Variants in GRM5 observed in about 807,000 individuals in gnomAD.
GRM5 encodes the protein glutamate metabotropic receptor 5.
A neutral mutation model predicts 83.1 loss-of-function variants in GRM5; 19 were observed. The ratio of observed to expected loss-of-function variants is 0.23; its 90% CI spans 0.16 to 0.34. The LOEUF is 0.34. GRM5 is among the 10% of genes least tolerant of loss of function. GRM5 has a pLI of 1.00. For missense variants in GRM5, 1,160 were observed against 1,588.3 expected (o/e 0.73, Z 4.58); for synonymous variants, 675 against 633.6 (o/e 1.07, Z -0.98).
At chr11:88,922,314 C>G (rs1945707154) in intron 2 of GRM5, among the ~76,000 whole-genome samples, 1 of 152,132 alleles carries the variant, frequency 6.6e-6, no homozygotes, top group Admixed American at 6.6e-5. Flanking sequence ...GGAGGAATGA[C>G]ATTACCTCCA....
intron 4 of GRM5, 82 bp downstream of exon 4, chr11:88,653,086 C>G: frequency 1.2e-6 from 1 of 824,940 alleles, no homozygotes; most frequent in East Asian, 2.5e-5. Context: ...TAACATATTA[C>G]AGCCACTATC....
chr11:88,751,871 T>C (rs11523431), intron 3 of GRM5, among the ~76,000 whole-genome samples: 34,681 of 152,100 alleles, frequency 0.23, 7,750 homozygotes, highest in African/African-American at 0.57. Flanking sequence ...TCCAAATAGA[T>C]GCAGAAAAGG....
intron 3 of GRM5, among the ~76,000 whole-genome samples, chr11:88,782,278 A>T (rs1195973307): frequency 6.6e-6 from 1 of 152,152 alleles, no homozygotes; most frequent in African/African-American, 2.4e-5. Context: ...TACAAAAGAA[A>T]TAGGTGTAAT....
chr11:88,794,593 C>T (rs1189339538), intron 3 of GRM5, among the ~76,000 whole-genome samples: 1 of 152,082 alleles, frequency 6.6e-6, no homozygotes, highest in Non-Finnish European at 1.5e-5. Context: ...ATGTTAGGAA[C>T]ATAAAGTAAG....
At chr11:88,918,274 T>C (rs1945629809) in intron 2 of GRM5, among the ~76,000 whole-genome samples, 1 of 151,690 alleles carries the variant, frequency 6.6e-6, no homozygotes, top group South Asian at 2.1e-4. Flanking sequence ...GAAAATATCC[T>C]GCAGACATGA....
chr11:88,997,081 T>C (rs577562849), intron 2 of GRM5, among the ~76,000 whole-genome samples: 1 of 152,200 alleles, frequency 6.6e-6, no homozygotes, highest in East Asian at 1.9e-4. Flanking sequence ...TCCCAGCAGT[T>C]TGGGAGGCTG....
At chr11:89,013,823 C>T (rs932018049) in intron 2 of GRM5, among the ~76,000 whole-genome samples, 1 of 152,156 alleles carries the variant, frequency 6.6e-6, no homozygotes, top group African/African-American at 2.4e-5. Flanking sequence ...GCACTTATCA[C>T]AGCCTACCAG....
At chr11:88,541,936 CT>C (rs1041647408) in intron 8 of GRM5, among the ~76,000 whole-genome samples, 95 of 152,260 alleles carry the variant, frequency 6.2e-4, no homozygotes, top group African/African-American at 2.2e-3. Context: ...TGAGTGACTT[CT>C]TGTGAGATCT....
chr11:88,714,821 C>T (rs578016184), intron 3 of GRM5, among the ~76,000 whole-genome samples: 9 of 151,984 alleles, frequency 5.9e-5, no homozygotes, highest in African/African-American at 1.4e-4. Context: ...GACAAGTCAA[C>T]GTGAAAAATC....
chr11:88,601,747 C>T (rs1183866418), intron 5 of GRM5, among the ~76,000 whole-genome samples: 6 of 152,082 alleles, frequency 3.9e-5, no homozygotes, highest in East Asian at 1.9e-4. Context: ...GTGGCAGCCA[C>T]GCATCTTAAA....
chr11:89,062,332 T>C (rs1942012850), intron 1 of GRM5, among the ~76,000 whole-genome samples: 1 of 152,154 alleles, frequency 6.6e-6, no homozygotes, highest in Non-Finnish European at 1.5e-5. Flanking sequence ...CAACTAAGAC[T>C]TCCACAGAAA....
At chr11:89,040,770 G>T (rs1374691320) in intron 2 of GRM5, among the ~76,000 whole-genome samples, 1 of 151,818 alleles carries the variant, frequency 6.6e-6, no homozygotes, top group Non-Finnish European at 1.5e-5. Context: ...AAGGTAAGAA[G>T]TTATAAAGGA....
At chr11:88,666,570 C>T (rs149735015) in intron 3 of GRM5, among the ~76,000 whole-genome samples, 96 of 152,306 alleles carry the variant, frequency 6.3e-4, no homozygotes, top group African/African-American at 2.1e-3. Context: ...CTAACAACAT[C>T]ACAGGGGGGA....
intron 4 of GRM5, among the ~76,000 whole-genome samples, chr11:88,616,247 T>C (rs1938476931): frequency 6.6e-6 from 1 of 152,158 alleles, no homozygotes; most frequent in African/African-American, 2.4e-5. Flanking sequence ...TGGGAGAAGT[T>C]TGTTGCCAGA....
At chr11:88,950,917 A>G (rs1240473160) in intron 2 of GRM5, among the ~76,000 whole-genome samples, 1 of 152,244 alleles carries the variant, frequency 6.6e-6, no homozygotes, top group Non-Finnish European at 1.5e-5. Flanking sequence ...TTGTAAATGT[A>G]TAAATGTATA....
At chr11:88,682,699 AT>A (rs1374553430) in intron 3 of GRM5, among the ~76,000 whole-genome samples, 4 of 152,014 alleles carry the variant, frequency 2.6e-5, no homozygotes, top group South Asian at 2.1e-4. Flanking sequence ...CTTTGTTTAT[AT>A]TTCTGTTAAT....
chr11:88,619,531 A>G (rs1368409182), intron 4 of GRM5, among the ~76,000 whole-genome samples: 1 of 152,222 alleles, frequency 6.6e-6, no homozygotes, highest in African/African-American at 2.4e-5. Context: ...TAAGACCAAG[A>G]GGACTTCCCT....
chr11:88,696,455 A>T (rs1438418279), intron 3 of GRM5, among the ~76,000 whole-genome samples: 2 of 152,136 alleles, frequency 1.3e-5, no homozygotes, highest in Admixed American at 1.3e-4. Flanking sequence ...TTCTCTACCC[A>T]GCACTTCCCT....
chr11:88,704,415 A>G (rs1283982231), intron 3 of GRM5, among the ~76,000 whole-genome samples: 1 of 152,064 alleles, frequency 6.6e-6, no homozygotes, highest in Non-Finnish European at 1.5e-5. Context: ...AGCATCAGTA[A>G]AAGTCATGTC....
Sources: allele counts gnomAD v4.1 joint callset (sites outside exome capture counted in the v4.1 genomes callset), GRCh38; gene constraint gnomAD v4.1.1; transcripts MANE v1.5; gene names NCBI Gene and HGNC (gene_info 2026-07-23, HGNC 2026-07-21).